SCN1A: variants seen among roughly 807,000 people sequenced by gnomAD.
SCN1A encodes the protein sodium channel protein type 1 subunit alpha.
In SCN1A, 13 loss-of-function variants were observed where a neutral mutation model predicts 193.7. The observed-to-expected ratio is 0.07, with a 90% CI of 0.04 to 0.11. The LOEUF (loss-of-function observed/expected upper bound fraction) is 0.11. Among genes scored for constraint, SCN1A ranks in the 10% least tolerant of loss-of-function variants. SCN1A has a pLI of 1.00. For synonymous variants in SCN1A, 781 were observed against 843.6 expected, an observed-to-expected ratio of 0.93 and a Z score of 1.29; for missense variants, 1,432 against 2,451.1, an observed-to-expected ratio of 0.58 and a Z score of 8.78.
intron 26 of SCN1A, among the ~76,000 whole-genome samples, chr2:165,997,585 A>G (rs1437092840): frequency 6.6e-6 from 1 of 151,316 alleles, no homozygotes; most frequent in Non-Finnish European, 1.5e-5. Context: ...AAAAGAAATC[A>G]ATGACAGAAA....
intron 19 of SCN1A, among the ~76,000 whole-genome samples, chr2:166,020,560 C>G (rs908533850): frequency 6.6e-6 from 1 of 152,090 alleles, no homozygotes; most frequent in African/African-American, 2.4e-5. Context: ...TTACACTATT[C>G]TAAAATACTG....
intron 2 of SCN1A, among the ~76,000 whole-genome samples, chr2:166,097,539 T>A (rs1217181975): frequency 6.6e-6 from 1 of 152,136 alleles, no homozygotes; most frequent in African/African-American, 2.4e-5. Context: ...GACTTCACTT[T>A]GAAATAAGAG....
rs372633765 is a variant in SCN1A, at chr2:166,031,988, A to G, written c.3429+4060T>C. ...AACAAATATTTAGTGTATGAAGAAT[A>G]AACAGTGGGCACTTGTAATTTTAAC... On this transcript the variant is annotated intron_variant, in intron 19 of 28. Transcript: ENST00000674923. Among the ~76,000 whole-genome samples the G allele has an allele frequency of 2.6e-5, 4 of 152,128 alleles. No individual in the cohort carries two copies. In the East Asian group the frequency reaches 7.7e-4, roughly 29 times the overall value.
chr2:166,062,047 G>A (rs185951009), intron 4 of SCN1A, among the ~76,000 whole-genome samples: 12 of 152,180 alleles, frequency 7.9e-5, no homozygotes, highest in African/African-American at 2.4e-4. Flanking sequence ...ACTGAACAAC[G>A]GTATTTGTTT....
downstream of SCN1A, chr2:165,985,735 A>G (rs1688569610): frequency 6.6e-6 from 1 of 152,162 alleles, no homozygotes; most frequent in African/African-American, 2.4e-5. Flanking sequence ...TGCCACACTG[A>G]TTAAATCAAT....
At chr2:166,021,407 C>T (rs1015711201) in intron 19 of SCN1A, among the ~76,000 whole-genome samples, 4 of 151,824 alleles carry the variant, frequency 2.6e-5, no homozygotes, top group African/African-American at 9.7e-5. Context: ...CACAAGTGAC[C>T]GAACTAAACT....
intron 22 of SCN1A, 116 bp downstream of exon 22, chr2:166,011,993 A>C: frequency 3.4e-6 from 3 of 876,236 alleles, no homozygotes; most frequent in Non-Finnish European, 5.7e-6. Flanking sequence ...ATATGCGTTT[A>C]GTGGTTATTA....
At chr2:166,080,059 G>T (rs1685349759) in intron 2 of SCN1A, among the ~76,000 whole-genome samples, 1 of 151,308 alleles carries the variant, frequency 6.6e-6, no homozygotes, top group Non-Finnish European at 1.5e-5. Flanking sequence ...ATGAAAAATT[G>T]TTCTAAATTA....
rs538679707 is a variant in SCN1A at position 166,012,465 on chromosome 2, A to G, written c.3706-183T>C. 1.4e-4 allele frequency among the ~76,000 whole-genome samples: 21 copies of G among 150,886 alleles called. No individual in the cohort carries two copies. The East Asian group carries it at 3.7e-3, about 27-fold the overall frequency. On this transcript the variant is annotated intron_variant, in intron 21 of 28. Coordinates refer to ENST00000674923, the MANE Select transcript of SCN1A (RefSeq NM_001165963.4). Reference sequence around the variant, plus strand: ...TACTTATTTAATCAGGGGAAAGACTATTGGTGGAAGAAAAAGAAAAGTATG... The same window carrying G: ...TACTTATTTAATCAGGGGAAAGACTGTTGGTGGAAGAAAAAGAAAAGTATG...
intron 4 of SCN1A, chr2:166,059,544 T>C (rs534432462): frequency 6.6e-6 from 1 of 152,156 alleles, no homozygotes; most frequent in Non-Finnish European, 1.5e-5. Flanking sequence ...TAAAAAGGGC[T>C]CTGACTCAAT....
At chr2:166,010,959 AC>A (rs1692363661) in intron 22 of SCN1A, among the ~76,000 whole-genome samples, 2 of 151,200 alleles carry the variant, frequency 1.3e-5, no homozygotes, top group East Asian at 3.9e-4. Context: ...TAGAAAAAAA[AC>A]CTCAGGAAGT....
intron 15 of SCN1A, 27 bp from the exon 16 acceptor site, chr2:166,041,496 A>G: frequency 1.5e-6 from 2 of 1,356,002 alleles, no homozygotes. Context: ...AAAAAAAAGA[A>G]CCACCAAAAG....
Position 166,092,980 on chromosome 2 carries a change from T to C in SCN1A, c.-141-15179A>G, listed in dbSNP as rs1270484147. Among the ~76,000 whole-genome samples the C allele has an allele frequency of 3.3e-5, 5 of 152,080 alleles. No individual in the cohort carries two copies. The East Asian group carries it at 9.6e-4, about 29-fold the overall frequency. On this transcript the variant is annotated intron_variant, in intron 2 of 28. Transcript: ENST00000674923. The stretch of plus-strand genomic sequence containing the variant: ...ATGTGACTCTTTCACCCCTTTCCCA[T>C]GGCCACAGCTTGGTAGGTTTTATGA...
In SCN1A at chr2:166,012,612, C is replaced by CTTTTTTTTTT. The variant is rs60890420; in HGVS notation, c.3706-340_3706-331dup. Among the ~76,000 whole-genome samples, 45 of 77,210 alleles carry CTTTTTTTTTT rather than the reference C, an allele frequency of 5.8e-4. 2 individuals are homozygous for CTTTTTTTTTT. The highest frequency in any genetic ancestry group is 8.0e-4 in the Non-Finnish European group (33 of 41,444). The allele number at this position is 77,210 out of a possible 152,430, so 50.7% of individuals were successfully genotyped here. A position where few individuals can be genotyped will look rare whatever the true frequency, so the allele number is the denominator to read the frequency against. On this transcript the variant is annotated intron_variant, in intron 21 of 28. Transcript: ENST00000674923. The stretch of plus-strand genomic sequence containing the variant: ...CATTTATTTTGCTTCCTTCTATTGG[C>CTTTTTTTTTT]TTTTTTTTTTTTTTTTTTTTTTTGC...
chr2:166,052,976 A>T lies in SCN1A; in HGVS notation c.603-33T>A, dbSNP rs374041911. The T allele has an allele frequency of 2.3e-5, 36 of 1,559,056 alleles. No individual in the cohort carries two copies. In the Middle Eastern group the frequency reaches 5.0e-4, roughly 22 times the overall value. Reference sequence around the variant, plus strand: ...AGGGAGTTCACACACAAACACAAAAACAGGACACAAAGAAAAAGCTGTAGG... The same window carrying T: ...AGGGAGTTCACACACAAACACAAAATCAGGACACAAAGAAAAAGCTGTAGG... On this transcript the variant is annotated intron_variant, in intron 7 of 28. Coordinates refer to ENST00000674923, the MANE Select transcript of SCN1A (RefSeq NM_001165963.4).
intron 4 of SCN1A, chr2:166,060,298 A>G (rs1683154705): frequency 2.0e-5 from 3 of 152,158 alleles, no homozygotes; most frequent in African/African-American, 7.2e-5. Context: ...TTACTAGAAG[A>G]ACAATCCCCT....
chr2:166,137,102 T>C (rs114666202), intron 1 of SCN1A, among the ~76,000 whole-genome samples: 3 of 152,220 alleles, frequency 2.0e-5, no homozygotes, highest in Non-Finnish European at 1.5e-5. Context: ...GTAGCCCTTC[T>C]TCCAGGGCTC....
At chr2:166,143,290 C>A (rs1285686402) in intron 1 of SCN1A, among the ~76,000 whole-genome samples, 1 of 151,628 alleles carries the variant, frequency 6.6e-6, no homozygotes, top group Non-Finnish European at 1.5e-5. Flanking sequence ...CCTCAGCCTC[C>A]CGAGTAGCTG....
At chr2:166,089,594 G>C (rs1277444135) in intron 2 of SCN1A, among the ~76,000 whole-genome samples, 1 of 152,008 alleles carries the variant, frequency 6.6e-6, no homozygotes, top group Non-Finnish European at 1.5e-5. Flanking sequence ...GGGGCTGGCT[G>C]GGACCTGTTA....
Sources: allele counts gnomAD v4.1 joint callset (sites outside exome capture counted in the v4.1 genomes callset), GRCh38; gene constraint gnomAD v4.1.1; transcripts MANE v1.5; gene names NCBI Gene and HGNC (gene_info 2026-07-23, HGNC 2026-07-21).